Variants in GPC5 observed in about 807,000 individuals in gnomAD.
The protein encoded by GPC5 is glypican-5.
GPC5 carries 47 observed loss-of-function variants against 53.9 expected under a neutral mutation model. The observed-to-expected ratio is 0.87, with a 90% CI of 0.69 to 1.11. The LOEUF (loss-of-function observed/expected upper bound fraction) is 1.11, where lower values mean the gene tolerates loss of function less well. Among genes scored for constraint, GPC5 ranks in the 50% most tolerant of loss-of-function variants. The probability of loss-of-function intolerance (pLI) is 0.00; values close to 1 mark genes in which losing one functional copy is unlikely to be tolerated. For synonymous variants in GPC5, 286 were observed against 263.3 expected, an observed-to-expected ratio of 1.09 and a Z score of -0.84; for missense variants, 748 against 713.1, an observed-to-expected ratio of 1.05 and a Z score of -0.56.
chr13:91,439,530 ATAT>A (rs2139060592), intron 1 of GPC5, among the ~76,000 whole-genome samples: 2 of 152,332 alleles, frequency 1.3e-5, no homozygotes, highest in East Asian at 3.9e-4. Flanking sequence ...GCATATTCAA[ATAT>A]TATTTTTGTA....
At chr13:91,545,248 C>T (rs1486024495) in intron 2 of GPC5, among the ~76,000 whole-genome samples, 1 of 152,120 alleles carries the variant, frequency 6.6e-6, no homozygotes, top group East Asian at 1.9e-4. Context: ...TAAGCAAAGG[C>T]TCATGTCTGT....
intron 5 of GPC5, among the ~76,000 whole-genome samples, chr13:91,780,990 G>A (rs868736349): frequency 1.3e-5 from 2 of 152,230 alleles, no homozygotes; most frequent in Non-Finnish European, 1.5e-5. Flanking sequence ...AGTATAGGAA[G>A]AAAAGCGAAG....
At chr13:92,857,225 C>T (rs1162098271) in intron 7 of GPC5, among the ~76,000 whole-genome samples, 2 of 152,090 alleles carry the variant, frequency 1.3e-5, no homozygotes, top group East Asian at 1.9e-4. Context: ...GGAACAGACT[C>T]CCTATTCAAT....
At chr13:92,406,568 T>G (rs889483021) in intron 7 of GPC5, among the ~76,000 whole-genome samples, 4 of 152,260 alleles carry the variant, frequency 2.6e-5, no homozygotes, top group African/African-American at 9.6e-5. Flanking sequence ...GTGGGGGTCA[T>G]TAGGATAGGT....
chr13:92,697,591 T>G (rs1594428497), intron 7 of GPC5, among the ~76,000 whole-genome samples: 1 of 152,210 alleles, frequency 6.6e-6, no homozygotes, highest in Non-Finnish European at 1.5e-5. Context: ...AAGGAGATTT[T>G]GGGCTGAGAC....
intron 7 of GPC5, among the ~76,000 whole-genome samples, chr13:92,421,698 CA>C (rs34055682): frequency 0.58 from 39,837 of 68,158 alleles, 9,239 homozygotes; most frequent in Admixed American, 0.63. Context: ...GACTCCGTCT[CA>C]AAAAAAAAAA....
rs757953581 is a variant in GPC5 at position 91,432,203 on chromosome 13, CTGTGTGTGTGTG to C, written c.164-16522_164-16511del. ...GCTTCCACTGCTGCTGCTGCTGCTG[CTGTGTGTGTGTG>C]TGTGTGTGTGTGTGTGTGTGTGTGT... On this transcript the variant is annotated intron_variant, in intron 1 of 7. Coordinates refer to ENST00000377067, the MANE Select transcript of GPC5 (RefSeq NM_004466.6). 7.9e-3 allele frequency among the ~76,000 whole-genome samples: 1,076 copies of C among 136,442 alleles called. 10 individuals carry two copies. The highest frequency in any genetic ancestry group is 0.021 in the African/African-American group (758 of 36,084). 89.5% of individuals were successfully genotyped at this position (136,442 alleles called of 152,430 possible).
chr13:92,149,951 T>C (rs576123359), intron 7 of GPC5, among the ~76,000 whole-genome samples: 1 of 152,156 alleles, frequency 6.6e-6, no homozygotes, highest in African/African-American at 2.4e-5. Context: ...ATGATTATAC[T>C]TTAAAATATG....
chr13:91,559,424 T>G (rs1276038832), intron 2 of GPC5, among the ~76,000 whole-genome samples: 1 of 152,156 alleles, frequency 6.6e-6, no homozygotes, highest in African/African-American at 2.4e-5. Context: ...GCTTCTATGA[T>G]GGCCATAAGT....
chr13:92,211,298 A>G (rs1020796785), intron 7 of GPC5, among the ~76,000 whole-genome samples: 3 of 152,204 alleles, frequency 2.0e-5, no homozygotes, highest in African/African-American at 7.2e-5. Flanking sequence ...TCTAAAAGTC[A>G]GTTTTATTAA....
chr13:91,851,434 T>C (rs1306828777), intron 5 of GPC5, among the ~76,000 whole-genome samples: 1 of 152,174 alleles, frequency 6.6e-6, no homozygotes, highest in Non-Finnish European at 1.5e-5. Flanking sequence ...AAGACATTAC[T>C]GTACACTACT....
intron 2 of GPC5, among the ~76,000 whole-genome samples, chr13:91,467,226 T>A (rs1882296006): frequency 6.6e-6 from 1 of 152,142 alleles, no homozygotes; most frequent in Admixed American, 6.6e-5. Flanking sequence ...TTTGAATTAT[T>A]GGGGAAGAAA....
chr13:91,425,926 G>A (rs1879009732), intron 1 of GPC5, among the ~76,000 whole-genome samples: 2 of 152,140 alleles, frequency 1.3e-5, no homozygotes, highest in Non-Finnish European at 2.9e-5. Flanking sequence ...GGCTAAGGTG[G>A]TCTTAGATGG....
At chr13:92,284,746 A>C (rs974064199) in intron 7 of GPC5, among the ~76,000 whole-genome samples, 1 of 152,208 alleles carries the variant, frequency 6.6e-6, no homozygotes, top group Admixed American at 6.5e-5. Context: ...GTATCTCAAA[A>C]TAATAAGAGC....
intron 7 of GPC5, among the ~76,000 whole-genome samples, chr13:92,605,854 A>G (rs1884240312): frequency 6.6e-6 from 1 of 152,086 alleles, no homozygotes; most frequent in Non-Finnish European, 1.5e-5. Flanking sequence ...GGACTGGAAA[A>G]AAAAGAAAAT....
intron 2 of GPC5, among the ~76,000 whole-genome samples, chr13:91,656,257 T>A (rs1205453348): frequency 6.6e-6 from 1 of 152,186 alleles, no homozygotes; most frequent in African/African-American, 2.4e-5. Context: ...TTTCTGTAGA[T>A]GTAAAGTGTA....
intron 7 of GPC5, among the ~76,000 whole-genome samples, chr13:92,398,166 A>G (rs2139332602): frequency 6.6e-6 from 1 of 152,148 alleles, no homozygotes; most frequent in South Asian, 2.1e-4. Context: ...ATTCCACTCC[A>G]CGCCTGTAAT....
intron 6 of GPC5, among the ~76,000 whole-genome samples, chr13:91,961,297 T>C (rs1022120948): frequency 6.6e-6 from 1 of 151,926 alleles, no homozygotes; most frequent in Non-Finnish European, 1.5e-5. Flanking sequence ...TATATATATA[T>C]ACAAATATTA....
chr13:92,187,692 A>G (rs1362578398), intron 7 of GPC5, among the ~76,000 whole-genome samples: 1 of 152,216 alleles, frequency 6.6e-6, no homozygotes, highest in Non-Finnish European at 1.5e-5. Flanking sequence ...AATGAGACAC[A>G]TGTGATTAAT....
Sources: allele counts gnomAD v4.1 joint callset (sites outside exome capture counted in the v4.1 genomes callset), GRCh38; gene constraint gnomAD v4.1.1; transcripts MANE v1.5; gene names NCBI Gene and HGNC (gene_info 2026-07-23, HGNC 2026-07-21).